SGMS1: variants seen among roughly 807,000 people sequenced by gnomAD.
The protein encoded by SGMS1 is phosphatidylcholine:ceramide cholinephosphotransferase 1.
SGMS1 carries 13 observed loss-of-function variants against 46.2 expected under a neutral mutation model. The observed-to-expected ratio is 0.28, with a 90% confidence interval of 0.18 to 0.45. The LOEUF is 0.45. SGMS1 is among the 20% of genes least tolerant of loss of function. SGMS1 has a pLI of 1.00. For missense variants in SGMS1, 324 were observed against 519.9 expected, an observed-to-expected ratio of 0.62 and a Z score of 3.66; for synonymous variants, 203 against 187.8, an observed-to-expected ratio of 1.08 and a Z score of -0.66.
chr10:50,568,143 G>A lies in SGMS1; in HGVS notation c.-589+22010C>T, dbSNP rs535773423. On this transcript the variant is annotated intron_variant, in intron 2 of 10. Transcript: ENST00000361781. ...AACATCCGAATCTTATAAACAAAAAGCATCTAGTACCATAAGAGCAATATT... is the reference window on the plus strand; with the variant it reads ...AACATCCGAATCTTATAAACAAAAAACATCTAGTACCATAAGAGCAATATT... Among the ~76,000 whole-genome samples, 12 of 152,196 alleles carry A rather than the reference G, an allele frequency of 7.9e-5. No homozygotes were observed. In the East Asian group the frequency reaches 1.9e-3, roughly 25 times the overall value.
At chr10:50,537,751 C>T (rs1371170526) in intron 2 of SGMS1, among the ~76,000 whole-genome samples, 1 of 151,956 alleles carries the variant, frequency 6.6e-6, no homozygotes, top group Non-Finnish European at 1.5e-5. Context: ...ACAGTAGCTG[C>T]TTAGGATTAT....
At chr10:50,460,546 T>G (rs1436060565) in intron 5 of SGMS1, 127 bp downstream of exon 5, 1 of 152,204 alleles carries the variant, frequency 6.6e-6, no homozygotes, top group Non-Finnish European at 1.5e-5. Context: ...ATTTCAGGCC[T>G]GAGAGTTCTG....
In SGMS1 at chr10:50,503,749, C is replaced by T. The variant is rs1837681705; in HGVS notation, c.-498+16082G>A. 2.0e-5 allele frequency among the ~76,000 whole-genome samples: 3 copies of T among 152,162 alleles called. 1 individual carries two copies. The South Asian group carries it at 6.2e-4, about 32-fold the overall frequency. ...AGAAGAGCAGTTCTGTGGGTTTGGC[C>T]TTAGACGACAAAGGCTAGGGTTCAC... On this transcript the variant is annotated intron_variant, in intron 3 of 10. Coordinates refer to ENST00000361781, the MANE Select transcript of SGMS1 (RefSeq NM_147156.4).
Position 50,600,473 on chromosome 10 carries a change from T to G in SGMS1, c.-683-10226A>C, listed in dbSNP as rs929268680. On this transcript the variant is annotated intron_variant, in intron 1 of 10. Transcript: ENST00000361781. ...CACTCAAGGAGAATGCAAATACAAA[T>G]AGAAGGTGTTATTACTGCTATTCTA... 5.3e-5 allele frequency among the ~76,000 whole-genome samples: 8 copies of G among 152,272 alleles called. 1 individual carries two copies. The highest frequency in any genetic ancestry group is 2.6e-4 in the Admixed American group (4 of 15,294).
chr10:50,343,466 A>C (rs777014943), intron 7 of SGMS1, 26 bp downstream of exon 7: 1 of 1,545,496 alleles, frequency 6.5e-7, no homozygotes, highest in Non-Finnish European at 8.7e-7. Flanking sequence ...ATAATCATTG[A>C]ATCTTAGAGC....
intron 6 of SGMS1, among the ~76,000 whole-genome samples, chr10:50,384,466 TTCCTTCCC>T (rs1848653015): frequency 1.3e-5 from 2 of 150,836 alleles, no homozygotes; most frequent in South Asian, 4.2e-4. Flanking sequence ...CCTTCCTTCC[TTCCTTCCC>T]TCCTTCCCTC....
chr10:50,585,882 T>C (rs1838478893), intron 2 of SGMS1, among the ~76,000 whole-genome samples: 3 of 152,226 alleles, frequency 2.0e-5, no homozygotes, highest in Non-Finnish European at 4.4e-5. Context: ...ACACTAAATT[T>C]AATGGGCTCA....
intron 6 of SGMS1, among the ~76,000 whole-genome samples, chr10:50,372,165 G>A (rs1370814037): frequency 1.3e-5 from 2 of 152,056 alleles, no homozygotes; most frequent in Admixed American, 6.5e-5. Flanking sequence ...CACATGCTAG[G>A]CAGTCAATAT....
chr10:50,604,035 A>G (rs1210475384), intron 1 of SGMS1, among the ~76,000 whole-genome samples: 1 of 152,168 alleles, frequency 6.6e-6, no homozygotes, highest in Non-Finnish European at 1.5e-5. Context: ...TTTAATCTAA[A>G]CGTCAACATT....
intron 5 of SGMS1, among the ~76,000 whole-genome samples, chr10:50,437,874 A>G: frequency 6.7e-6 from 1 of 148,814 alleles, no homozygotes; most frequent in South Asian, 2.1e-4. Context: ...ATGTCTAGAG[A>G]AGAATGTGTC....
At chr10:50,575,043 A>G (rs1170693249) in intron 2 of SGMS1, among the ~76,000 whole-genome samples, 1 of 149,070 alleles carries the variant, frequency 6.7e-6, no homozygotes, top group Non-Finnish European at 1.5e-5. Flanking sequence ...GAAACAACAT[A>G]GACGTGGAAG....
At chr10:50,619,720 C>T (rs531040547) in intron 1 of SGMS1, among the ~76,000 whole-genome samples, 49 of 152,312 alleles carry the variant, frequency 3.2e-4, no homozygotes, top group Admixed American at 9.1e-4. Flanking sequence ...ATAATGGTTG[C>T]TTCAGTTAAA....
At chr10:50,355,831 C>A (rs1030551797) in intron 6 of SGMS1, among the ~76,000 whole-genome samples, 29 of 151,878 alleles carry the variant, frequency 1.9e-4, no homozygotes, top group Non-Finnish European at 2.8e-4. Context: ...ATGTGGGGAG[C>A]GCCTCTGCCC....
At chr10:50,443,716 T>C (rs1023736444) in intron 5 of SGMS1, among the ~76,000 whole-genome samples, 3 of 152,036 alleles carry the variant, frequency 2.0e-5, no homozygotes, top group African/African-American at 7.2e-5. Flanking sequence ...ACCTTGGAAA[T>C]AATACATTGT....
At chr10:50,530,627 C>T (rs1042402247) in intron 2 of SGMS1, among the ~76,000 whole-genome samples, 2 of 151,964 alleles carry the variant, frequency 1.3e-5, no homozygotes, top group South Asian at 2.1e-4. Flanking sequence ...TAAGACTACA[C>T]GTATGTGCCA....
At chr10:50,403,048 G>C (rs1848963447) in intron 6 of SGMS1, among the ~76,000 whole-genome samples, 1 of 152,148 alleles carries the variant, frequency 6.6e-6, no homozygotes. Context: ...TGCTGCCAAA[G>C]ACATTATGTT....
At chr10:50,399,098 G>A (rs913007335) in intron 6 of SGMS1, among the ~76,000 whole-genome samples, 1 of 151,996 alleles carries the variant, frequency 6.6e-6, no homozygotes, top group African/African-American at 2.4e-5. Flanking sequence ...GGTTTATGGT[G>A]CTGGTTGTAG....
At chr10:50,494,890 G>A in intron 3 of SGMS1, among the ~76,000 whole-genome samples, 1 of 151,850 alleles carries the variant, frequency 6.6e-6, no homozygotes, top group East Asian at 1.9e-4. Flanking sequence ...CAAAAAATTA[G>A]CCGGGCATAG....
At chr10:50,438,362 TG>T (rs538015144) in intron 5 of SGMS1, among the ~76,000 whole-genome samples, 1 of 152,222 alleles carries the variant, frequency 6.6e-6, no homozygotes, top group Admixed American at 6.5e-5. Flanking sequence ...TGCCATTTTG[TG>T]GGCTGCCTAC....
Sources: gnomAD v4.1 joint callset for allele counts (sites outside exome capture counted in the v4.1 genomes callset) on GRCh38, gnomAD v4.1.1 for gene constraint, MANE v1.5 for transcripts, NCBI Gene and HGNC (gene_info 2026-07-23, HGNC 2026-07-21) for gene names.